EP400: variants seen among roughly 807,000 people sequenced by gnomAD.
EP400 encodes E1A-binding protein p400.
Under a neutral mutation model 354.1 loss-of-function variants are expected in EP400, and 105 were observed. That is an observed-to-expected ratio of 0.30 (90% CI 0.25 to 0.35). The LOEUF (loss-of-function observed/expected upper bound fraction) is 0.35, where lower values mean the gene tolerates loss of function less well. Ranked by LOEUF, EP400 falls within the 10% of genes least tolerant of loss-of-function variation. The probability of loss-of-function intolerance (pLI) is 1.00; values close to 1 mark genes in which losing one functional copy is unlikely to be tolerated. For synonymous variants in EP400, 1,646 were observed against 1,716.9 expected (o/e 0.96, Z 1.02); for missense variants, 3,280 against 4,121.0 (o/e 0.80, Z 5.59).
intron 24 of EP400, 36 bp downstream of exon 24, chr12:132,023,977 A>AG (rs748184569): frequency 6.6e-7 from 1 of 1,524,482 alleles, no homozygotes. Flanking sequence ...GATGCCAAAA[A>AG]TGACAAAAGC....
Position 132,005,117 on chromosome 12 carries a change from C to T in EP400, c.2868C>T (p.Gly956=), listed in dbSNP as rs368693153. The T allele has an allele frequency of 8.4e-5, 134 of 1,589,166 alleles. No homozygotes were observed. The highest frequency in any genetic ancestry group is 1.7e-4 in the Middle Eastern group (1 of 6,056). Residue 956 remains glycine (G), a synonymous_variant, in exon 13 of 53, where the codon GGC becomes GGT. Transcript: ENST00000389561. The part of the protein sequence containing the change: ...PLLDLMKLYE[G]AFLPSSQWPR... Reference sequence around the variant, plus strand: ...TGGACCTGATGAAGCTGTACGAAGGCGCCTTCCTGCCGAGTTCTCAGTGGC... The same window carrying T: ...TGGACCTGATGAAGCTGTACGAAGGTGCCTTCCTGCCGAGTTCTCAGTGGC...
chr12:132,045,247 T>C, intron 37 of EP400, 72 bp from the exon 38 acceptor site: 1 of 1,578,040 alleles, frequency 6.3e-7, no homozygotes, highest in East Asian at 2.2e-5. Flanking sequence ...CTGACCTGTT[T>C]CCTTTGTCTT....
At chr12:131,967,540 A>T (rs958352702) in intron 2 of EP400, among the ~76,000 whole-genome samples, 4 of 151,636 alleles carry the variant, frequency 2.6e-5, no homozygotes, top group African/African-American at 9.7e-5. Flanking sequence ...AAAAAAAAAA[A>T]TTAGCCAGGC....
In EP400 at chr12:131,960,905, C is replaced by G; in HGVS notation, c.286C>G (p.Leu96Val). The G allele has an allele frequency of 6.2e-7, 1 of 1,613,970 alleles. No individual in the cohort carries two copies. The change falls in exon 2 of 53, where the codon CTC becomes GTC. Residue 96 changes from leucine (L) to valine (V), a missense_variant. This residue lies in a region of EP400 where 172 missense variants were observed against 242.9 expected (regional missense o/e 0.71). Coordinates refer to ENST00000389561, the MANE Select transcript of EP400 (RefSeq NM_015409.5). ...NQQITLAPLPLPSPTSPGFQF... is the reference protein window; with the variant it reads ...NQQITLAPLPVPSPTSPGFQF... ...GCAGATCACACTGGCCCCACTGCCG[C>G]TCCCCAGCCCCACCTCTCCAGGCTT...
At chr12:132,051,727 G>A (rs887429509) in intron 41 of EP400, among the ~76,000 whole-genome samples, 1 of 152,144 alleles carries the variant, frequency 6.6e-6, no homozygotes, top group Non-Finnish European at 1.5e-5. Flanking sequence ...AGACGGTTAG[G>A]CCTCCGGATA....
intron 48 of EP400, 80 bp downstream of exon 48, chr12:132,064,966 G>A (rs747809631): frequency 1.1e-4 from 159 of 1,513,662 alleles, no homozygotes; most frequent in South Asian, 4.5e-4. Flanking sequence ...GCTCAGGTGC[G>A]TGTCACGTGT....
chr12:132,072,819 T>C (rs913032045), intron 51 of EP400, among the ~76,000 whole-genome samples: 1 of 152,266 alleles, frequency 6.6e-6, no homozygotes, highest in African/African-American at 2.4e-5. Flanking sequence ...CTTTATATCT[T>C]AGAAGGCTTT....
chr12:131,976,252 G>C (rs886175678), intron 2 of EP400, among the ~76,000 whole-genome samples: 1 of 152,158 alleles, frequency 6.6e-6, no homozygotes, highest in Non-Finnish European at 1.5e-5. Context: ...TGGTGTCTGA[G>C]TATGGCTCGT....
At chr12:131,993,137 T>C (rs1304032724) in intron 11 of EP400, among the ~76,000 whole-genome samples, 3 of 152,176 alleles carry the variant, frequency 2.0e-5, no homozygotes, top group Non-Finnish European at 4.4e-5. Flanking sequence ...AGCGATTCTC[T>C]TGCCTCAGCC....
At position 131,994,788 on chromosome 12, in the gene EP400, G is replaced by A. The variant is rs1171903768; in HGVS notation, c.2738-79G>A. Reference sequence around the variant, plus strand: ...TGTAATAGCTATGCAAAATAATTTCGAAGCCTTATAGTGTGTAATGAGTAA... The same window carrying A: ...TGTAATAGCTATGCAAAATAATTTCAAAGCCTTATAGTGTGTAATGAGTAA... On this transcript the variant is annotated intron_variant, in intron 11 of 52. Transcript: ENST00000389561. The surrounding 1 kb of genome is among the most constrained non-coding windows in gnomAD (Gnocchi z 4.6). 3.7e-5 allele frequency: 44 copies of A among 1,177,434 alleles called. No homozygotes were observed. The highest frequency in any genetic ancestry group is 4.9e-5 in the Non-Finnish European group (41 of 830,356). The allele number at this position is 1,177,434 out of a possible 1,614,324, so 72.9% of individuals were successfully genotyped here. A position where few individuals can be genotyped will look rare whatever the true frequency, so the allele number is the denominator to read the frequency against.
rs773733485 is a variant in EP400 at position 132,027,770 on chromosome 12, A to G, written c.5109+239A>G. Among the ~76,000 whole-genome samples, 2 of 152,232 alleles carry G rather than the reference A, an allele frequency of 1.3e-5. No homozygotes were observed. The highest frequency in any genetic ancestry group is 2.9e-5 in the Non-Finnish European group (2 of 68,042). On this transcript the variant is annotated intron_variant, in intron 26 of 52. Transcript: ENST00000389561. This position sits in a 1 kb window ranked among gnomAD's most constrained non-coding sequence, Gnocchi z 4.9. ...GTCTTCCTGGGCATTAGAATTGCTC[A>G]CTTGTGTCTTGAGAAATACTTCCCA...
intron 48 of EP400, 49 bp downstream of exon 48, chr12:132,064,935 T>G (rs1565934635): frequency 1.5e-5 from 23 of 1,545,888 alleles, no homozygotes; most frequent in Non-Finnish European, 1.9e-5. Flanking sequence ...CTTTTTATGT[T>G]TTAACACAGC....
chr12:131,990,735 G>A lies in EP400; in HGVS notation c.2629+21G>A. On this transcript the variant is annotated intron_variant, in intron 9 of 52. Coordinates refer to ENST00000389561, the MANE Select transcript of EP400 (RefSeq NM_015409.5). The surrounding 1 kb of genome is among the most constrained non-coding windows in gnomAD (Gnocchi z 4.2). Reference sequence around the variant, plus strand: ...GAGAGGTAGGACCCTTTAAAAAAAGGCTCACCACGCTTGGGTGGTATTTTG... The same window carrying A: ...GAGAGGTAGGACCCTTTAAAAAAAGACTCACCACGCTTGGGTGGTATTTTG... 1 of 1,553,040 alleles carries A rather than the reference G, an allele frequency of 6.4e-7. No individual in the cohort carries two copies. Among genetic ancestry groups the A allele is most frequent in the South Asian group, 1.1e-5 (1 of 87,026 alleles).
In EP400 at chr12:131,960,949, T is replaced by G. The variant is rs1192342858; in HGVS notation, c.330T>G (p.Pro110=). 6.2e-7 allele frequency: 1 copy of G among 1,612,476 alleles called. No homozygotes were observed. The highest frequency in any genetic ancestry group is 2.2e-5 in the East Asian group (1 of 44,778). Residue 110 remains proline, a synonymous_variant, in exon 2 of 53, where the codon CCT becomes CCG. Transcript: ENST00000389561. ...CAGGCTTCCAGTTCAGCGCTCAGCCTCGGCGGTTTGAGCATGGGTCTCCAT... is the reference window on the plus strand; with the variant it reads ...CAGGCTTCCAGTTCAGCGCTCAGCCGCGGCGGTTTGAGCATGGGTCTCCAT... ...TSPGFQFSAQ[P]RRFEHGSPSY... is the part of the protein sequence containing the mutation.
Position 132,062,263 on chromosome 12 carries a change from A to G in EP400, c.8038A>G (p.Thr2680Ala), listed in dbSNP as rs770280584. 3 of 1,614,168 alleles carry G rather than the reference A, an allele frequency of 1.9e-6. No individual in the cohort carries two copies. The East Asian group carries it at 6.7e-5, about 36-fold the overall frequency. ...VTSVTASAVV[T>A]TNLTPVQTPA... Reference sequence around the variant, plus strand: ...TTCTGTGACAGCCTCGGCCGTGGTCACTACCAACCTGACCCCAGTGCAGAC... The same window carrying G: ...TTCTGTGACAGCCTCGGCCGTGGTCGCTACCAACCTGACCCCAGTGCAGAC... The change falls in exon 46 of 53, where the codon ACT becomes GCT. Residue 2680 changes from threonine (T) to alanine (A), a missense_variant. Around this residue, in one of 20 missense-constraint regions of EP400, gnomAD observed 255 missense variants for 295.9 expected, o/e 0.86. Coordinates refer to ENST00000389561, the MANE Select transcript of EP400 (RefSeq NM_015409.5).
chr12:132,041,530 G>C (rs1046217530), intron 32 of EP400, among the ~76,000 whole-genome samples: 3 of 152,280 alleles, frequency 2.0e-5, no homozygotes, highest in Non-Finnish European at 4.4e-5. Flanking sequence ...TCTCATTGCT[G>C]TCTAGAGTTC....
At position 132,052,903 on chromosome 12, in the gene EP400, C is replaced by T. The variant is rs1220130525; in HGVS notation, c.7395-243C>T. ...GCCACAAGTACGCTGGGGACGTGTT[C>T]GGAGATACTTTTCCTGGAGAGTGGG... On this transcript the variant is annotated intron_variant, in intron 41 of 52. Coordinates refer to ENST00000389561, the MANE Select transcript of EP400 (RefSeq NM_015409.5). The surrounding 1 kb of genome is among the most constrained non-coding windows in gnomAD (Gnocchi z 4.4). Among the ~76,000 whole-genome samples the T allele has an allele frequency of 6.6e-6, 1 of 151,958 alleles. No individual in the cohort carries two copies. Among genetic ancestry groups the T allele is most frequent in the African/African-American group, 2.4e-5 (1 of 41,362 alleles).
At chr12:132,069,373 TG>T in intron 50 of EP400, 121 bp from the exon 51 acceptor site, 1 of 1,392,830 alleles carries the variant, frequency 7.2e-7, no homozygotes, top group Non-Finnish European at 9.8e-7. Context: ...TGCACAGGGT[TG>T]GTCTGGGAGG....
At chr12:131,955,933 A>G (rs933029778) in intron 1 of EP400, among the ~76,000 whole-genome samples, 3 of 152,204 alleles carry the variant, frequency 2.0e-5, no homozygotes, top group African/African-American at 7.2e-5. Flanking sequence ...GGCATGAGTC[A>G]CTGCACCCAG....
Sources: gnomAD v4.1 joint callset for allele counts (sites outside exome capture counted in the v4.1 genomes callset) on GRCh38, gnomAD v4.1.1 for gene constraint, gnomAD v4.1.1 regional missense constraint, Gnocchi (gnomAD v3.1) non-coding constraint, MANE v1.5 for transcripts, NCBI Gene and HGNC (gene_info 2026-07-23, HGNC 2026-07-21) for gene names.